TTLL11: variants seen among roughly 807,000 people sequenced by gnomAD.
TTLL11 encodes the protein tubulin tyrosine ligase like 11, also known as tubulin polyglutamylase TTLL11.
Under a neutral mutation model 51.7 loss-of-function variants are expected in TTLL11, and 42 were observed. The observed-to-expected ratio is 0.81, with a 90% confidence interval of 0.64 to 1.05. The LOEUF is 1.05. TTLL11 is among the 50% of genes least tolerant of loss of function. The pLI is 0.00. For missense variants in TTLL11, 799 were observed against 940.4 expected, an observed-to-expected ratio of 0.85 and a Z score of 1.97; for synonymous variants, 381 against 383.5, an observed-to-expected ratio of 0.99 and a Z score of 0.08.
chr9:122,061,247 T>G (rs986501144), intron 1 of TTLL11, among the ~76,000 whole-genome samples: 5 of 152,236 alleles, frequency 3.3e-5, no homozygotes, highest in African/African-American at 1.2e-4. Context: ...CATCCCAAGA[T>G]CTTTAATTAC....
chr9:121,992,621 A>G (rs952592568), intron 3 of TTLL11, among the ~76,000 whole-genome samples: 5 of 152,214 alleles, frequency 3.3e-5, no homozygotes, highest in Admixed American at 2.6e-4. Context: ...GAGTGTGAGG[A>G]AGACTCGCGC....
intron 1 of TTLL11, 47 bp from the exon 2 acceptor site, chr9:122,039,415 G>T: frequency 6.9e-7 from 1 of 1,448,618 alleles, no homozygotes; most frequent in South Asian, 1.1e-5. Flanking sequence ...GAAGAGCAGT[G>T]ACCACACTGA....
rs540916193 is a variant in TTLL11, at chr9:122,004,121, C to CA, written c.694-14352dup. On this transcript the variant is annotated intron_variant, in intron 3 of 8. Coordinates refer to ENST00000321582, the MANE Select transcript of TTLL11 (RefSeq NM_001139442.2). Reference sequence around the variant, plus strand: ...TGGATGACAGAGTGAGACTCCATCTCAAAAAAAAATAATAAAATAAAAATA... The same window carrying CA: ...TGGATGACAGAGTGAGACTCCATCTCAAAAAAAAAATAATAAAATAAAAATA... Among the ~76,000 whole-genome samples the CA allele has an allele frequency of 9.1e-4, 134 of 147,854 alleles. 2 individuals carry two copies. The South Asian group carries it at 0.011, about 13-fold the overall frequency.
chr9:121,858,954 G>A (rs1057199840), intron 8 of TTLL11, among the ~76,000 whole-genome samples: 6 of 152,180 alleles, frequency 3.9e-5, no homozygotes, highest in Non-Finnish European at 7.3e-5. Context: ...CCTTCTGTGC[G>A]TCCCTTTTGG....
In TTLL11 at chr9:121,853,175, G is replaced by A. The variant is rs927613588; in HGVS notation, c.1840+7162C>T. On this transcript the variant is annotated intron_variant, in intron 8 of 8. Coordinates refer to ENST00000321582, the MANE Select transcript of TTLL11 (RefSeq NM_001139442.2). This position sits in a 1 kb window ranked among gnomAD's most constrained non-coding sequence, Gnocchi z 5.6. ...ACACCCATGGGATTGGTGGGTTGCCGCGGCTGAGCCCTGGTCCATGGGACA... is the reference window on the plus strand; with the variant it reads ...ACACCCATGGGATTGGTGGGTTGCCACGGCTGAGCCCTGGTCCATGGGACA... Among the ~76,000 whole-genome samples the A allele has an allele frequency of 1.8e-4, 28 of 152,194 alleles. 1 individual carries two copies. The highest frequency in any genetic ancestry group is 1.3e-3 in the Admixed American group (20 of 15,284).
chr9:122,081,131 G>T (rs963688999), intron 1 of TTLL11, among the ~76,000 whole-genome samples: 2 of 152,110 alleles, frequency 1.3e-5, no homozygotes, highest in Non-Finnish European at 2.9e-5. Context: ...CAACGTCCAG[G>T]CTCAAAGCCC....
chr9:121,918,536 G>A (rs921638802), intron 6 of TTLL11, among the ~76,000 whole-genome samples: 1 of 152,196 alleles, frequency 6.6e-6, no homozygotes, highest in African/African-American at 2.4e-5. Context: ...TGTCCAAGGA[G>A]TTCAGATTGG....
At chr9:122,007,831 C>T (rs543557825) in intron 3 of TTLL11, among the ~76,000 whole-genome samples, 9 of 152,198 alleles carry the variant, frequency 5.9e-5, no homozygotes, top group African/African-American at 1.7e-4. Flanking sequence ...CAGGACATTA[C>T]GTAGTCTTAA....
In TTLL11 at chr9:122,031,867, G is replaced by C. The variant is rs369805518; in HGVS notation, c.560-11C>G. 1.2e-6 allele frequency: 2 copies of C among 1,610,798 alleles called. No homozygotes were observed. ...CCATCTCCGTCATGCCTGGGGAGAA[G>C]AGACGCTGTGAGGTTTTAACAACAG... On this transcript the variant is annotated splice_polypyrimidine_tract_variant and intron_variant, in intron 2 of 8. Coordinates refer to ENST00000321582, the MANE Select transcript of TTLL11 (RefSeq NM_001139442.2).
intron 1 of TTLL11, among the ~76,000 whole-genome samples, chr9:122,044,849 C>A (rs956231590): frequency 6.6e-6 from 1 of 152,120 alleles, no homozygotes; most frequent in Non-Finnish European, 1.5e-5. Context: ...GTGGCACACA[C>A]CTGTAATCAC....
intron 6 of TTLL11, among the ~76,000 whole-genome samples, chr9:121,877,158 G>A (rs531793302): frequency 1.3e-5 from 2 of 152,246 alleles, no homozygotes; most frequent in African/African-American, 4.8e-5. Context: ...CGGCCAAGGC[G>A]AAGTCCCCTC....
intron 8 of TTLL11, among the ~76,000 whole-genome samples, chr9:121,859,928 C>G (rs1165837394): frequency 6.6e-6 from 1 of 152,240 alleles, no homozygotes; most frequent in Non-Finnish European, 1.5e-5. Flanking sequence ...TCCCTCCGAG[C>G]CAGGCATCCT....
chr9:121,870,852 T>C, intron 6 of TTLL11, 104 bp from the exon 7 acceptor site: 1 of 1,299,958 alleles, frequency 7.7e-7, no homozygotes, highest in Admixed American at 2.8e-5. Context: ...GCATTTTTTA[T>C]TTTACAGACA....
chr9:122,084,522 C>G, intron 1 of TTLL11, among the ~76,000 whole-genome samples: 1 of 152,254 alleles, frequency 6.6e-6, no homozygotes, highest in South Asian at 2.1e-4. Flanking sequence ...ATCTCAGGGA[C>G]GTGACTCGGC....
At chr9:121,915,783 C>A (rs1332390998) in intron 6 of TTLL11, among the ~76,000 whole-genome samples, 1 of 151,912 alleles carries the variant, frequency 6.6e-6, no homozygotes, top group Non-Finnish European at 1.5e-5. Context: ...ATTTGGGTTT[C>A]TTTTTCGTTT....
chr9:121,844,872 G>A (rs4436194), intron 8 of TTLL11, among the ~76,000 whole-genome samples: 3 of 151,410 alleles, frequency 2.0e-5, no homozygotes, highest in African/African-American at 4.9e-5. Flanking sequence ...CAGGAACAGT[G>A]GGACAATGAC....
At chr9:121,934,304 T>C (rs1177432331) in intron 6 of TTLL11, among the ~76,000 whole-genome samples, 1 of 152,124 alleles carries the variant, frequency 6.6e-6, no homozygotes, top group Non-Finnish European at 1.5e-5. Flanking sequence ...CTTTTACCCA[T>C]GCCAAACTAT....
intron 6 of TTLL11, among the ~76,000 whole-genome samples, chr9:121,875,368 C>G (rs1838526524): frequency 6.6e-6 from 1 of 152,212 alleles, no homozygotes; most frequent in Admixed American, 6.5e-5. Context: ...CTCCTGCCTC[C>G]AGAGCCTTGC....
At chr9:121,862,473 C>T (rs979731820) in intron 7 of TTLL11, among the ~76,000 whole-genome samples, 1 of 152,184 alleles carries the variant, frequency 6.6e-6, no homozygotes, top group Non-Finnish European at 1.5e-5. Context: ...CCCCTTTTCC[C>T]TTTTCTTCCT....
Sources: gnomAD v4.1 joint callset for allele counts (sites outside exome capture counted in the v4.1 genomes callset) on GRCh38, gnomAD v4.1.1 for gene constraint, Gnocchi (gnomAD v3.1) non-coding constraint, MANE v1.5 for transcripts, NCBI Gene and HGNC (gene_info 2026-07-23, HGNC 2026-07-21) for gene names.